The following CPQ variants were observed in gnomAD, a reference collection of about 807,000 sequenced individuals.
CPQ encodes the protein Ser-Met dipeptidase.
CPQ carries 37 observed loss-of-function variants against 45.7 expected under a neutral mutation model. That is an observed-to-expected ratio of 0.81 (90% CI 0.62 to 1.07). CPQ has a LOEUF of 1.07. Ranked by LOEUF, CPQ falls within the 50% of genes least tolerant of loss-of-function variation. The pLI, the probability that CPQ is intolerant of heterozygous loss-of-function variation, is 0.00. For synonymous variants in CPQ, 186 were observed against 205.8 expected (o/e 0.90, Z 0.82); for missense variants, 537 against 572.9 (o/e 0.94, Z 0.64).
intron 2 of CPQ, among the ~76,000 whole-genome samples, chr8:96,815,755 A>C (rs1201426166): frequency 6.6e-6 from 1 of 152,082 alleles, no homozygotes; most frequent in African/African-American, 2.4e-5. Context: ...GTGGGTTTTG[A>C]TTCTGGACCA....
intron 5 of CPQ, among the ~76,000 whole-genome samples, chr8:97,025,980 C>G (rs1014722103): frequency 1.2e-4 from 18 of 152,104 alleles, no homozygotes; most frequent in African/African-American, 3.6e-4. Context: ...TGTATATGCT[C>G]TATATTGGGA....
chr8:97,064,955 C>T (rs1432435244), intron 6 of CPQ, among the ~76,000 whole-genome samples: 2 of 152,160 alleles, frequency 1.3e-5, no homozygotes, highest in African/African-American at 4.8e-5. Context: ...TCCTATAAAA[C>T]AGCAACATTA....
In CPQ at chr8:96,740,838, T is replaced by C. The variant is rs569642453; in HGVS notation, c.-34-44026T>C. 1.5e-3 allele frequency among the ~76,000 whole-genome samples: 229 copies of C among 152,316 alleles called. 1 individual carries two copies. The highest frequency in any genetic ancestry group is 5.4e-3 in the African/African-American group (223 of 41,560). On this transcript the variant is annotated intron_variant, in intron 1 of 7. Coordinates refer to ENST00000220763, the MANE Select transcript of CPQ (RefSeq NM_016134.4). ...CCACTTGATCATGGTGGATAAGCTT[T>C]TTGAGGTGCTGCTGGATTCGGTTTG...
intron 1 of CPQ, among the ~76,000 whole-genome samples, chr8:96,778,219 T>C (rs919463260): frequency 4.6e-5 from 7 of 152,128 alleles, no homozygotes; most frequent in Non-Finnish European, 1.0e-4. Flanking sequence ...TTAAGTGGAA[T>C]GTGATATATT....
chr8:97,069,470 TAAAA>T (rs76928528), intron 7 of CPQ, among the ~76,000 whole-genome samples: 2 of 124,668 alleles, frequency 1.6e-5, no homozygotes, highest in Non-Finnish European at 1.7e-5. Flanking sequence ...CATCTGTCTC[TAAAA>T]AAAAAAAAAA....
At chr8:97,089,091 A>C (rs1162203214) in intron 7 of CPQ, among the ~76,000 whole-genome samples, 1 of 151,952 alleles carries the variant, frequency 6.6e-6, no homozygotes, top group East Asian at 1.9e-4. Context: ...CAAAAATACA[A>C]AATTAGCCAG....
chr8:97,014,438 G>T (rs1459131300), intron 5 of CPQ, among the ~76,000 whole-genome samples: 1 of 151,964 alleles, frequency 6.6e-6, no homozygotes, highest in African/African-American at 2.4e-5. Flanking sequence ...ATCACTTGAG[G>T]TCAGGAGTTC....
At chr8:96,675,862 A>T (rs2130724399) in intron 1 of CPQ, among the ~76,000 whole-genome samples, 1 of 152,104 alleles carries the variant, frequency 6.6e-6, no homozygotes, top group East Asian at 1.9e-4. Context: ...AATATTATTG[A>T]TCCTTTTCTT....
chr8:96,901,606 T>G (rs182376596), intron 4 of CPQ, among the ~76,000 whole-genome samples: 64 of 152,272 alleles, frequency 4.2e-4, no homozygotes, highest in African/African-American at 1.5e-3. Context: ...CAGTAGAAAG[T>G]TTTCAGTGTG....
intron 5 of CPQ, among the ~76,000 whole-genome samples, chr8:97,025,150 T>TG (rs1809776172): frequency 6.6e-6 from 1 of 152,322 alleles, no homozygotes; most frequent in African/African-American, 2.4e-5. Context: ...GACAGTCAAC[T>TG]GACCTTTCAG....
intron 4 of CPQ, among the ~76,000 whole-genome samples, chr8:96,889,721 T>C (rs1159224144): frequency 6.6e-6 from 1 of 152,032 alleles, no homozygotes; most frequent in Middle Eastern, 3.2e-3. Context: ...CTACTCTGAG[T>C]CCAAGGGTCC....
chr8:97,019,847 A>T (rs1464590306), intron 5 of CPQ, among the ~76,000 whole-genome samples: 1 of 152,154 alleles, frequency 6.6e-6, no homozygotes, highest in African/African-American at 2.4e-5. Flanking sequence ...GAAACAATGG[A>T]TTTAAACTAC....
Position 97,029,471 on chromosome 8 carries a change from T to C in CPQ, c.1030T>C (p.Phe344Leu). The change falls in exon 6 of 8, where the codon TTC becomes CTC. Residue 344 changes from phenylalanine (F) to leucine (L), a missense_variant. By Grantham distance (22) the Phe-to-Leu change is conservative. Coordinates refer to ENST00000220763, the MANE Select transcript of CPQ (RefSeq NM_016134.4). ...AGAAGAACAAGGTGGAGTTGGTGCC[T>C]TCCAGTATTATCAGTTACACAAGGT... ...TAEEQGGVGA[F>L]QYYQLHKVNI... 6.2e-7 allele frequency: 1 copy of C among 1,607,360 alleles called. No individual in the cohort carries two copies. Among genetic ancestry groups the C allele is most frequent in the Non-Finnish European group, 8.5e-7 (1 of 1,176,454 alleles).
At chr8:96,786,516 T>G (rs1220358596) in intron 2 of CPQ, among the ~76,000 whole-genome samples, 3 of 152,184 alleles carry the variant, frequency 2.0e-5, no homozygotes, top group Non-Finnish European at 4.4e-5. Flanking sequence ...TGTGAACATT[T>G]GTTTTCATTT....
intron 1 of CPQ, among the ~76,000 whole-genome samples, chr8:96,653,409 A>C (rs1431458302): frequency 1.3e-5 from 2 of 151,986 alleles, no homozygotes; most frequent in Non-Finnish European, 2.9e-5. Flanking sequence ...TTTTTTAATC[A>C]GGTTGCTTGT....
At chr8:96,881,809 A>C (rs994979368) in intron 4 of CPQ, among the ~76,000 whole-genome samples, 3 of 152,236 alleles carry the variant, frequency 2.0e-5, no homozygotes, top group African/African-American at 7.2e-5. Flanking sequence ...AGGCACATCA[A>C]ATAGCTTTGT....
At chr8:96,973,215 G>A (rs534913982) in intron 5 of CPQ, among the ~76,000 whole-genome samples, 42 of 151,980 alleles carry the variant, frequency 2.8e-4, no homozygotes, top group Admixed American at 5.2e-4. Flanking sequence ...GGCAAGAAAT[G>A]CAAAATGCAC....
At chr8:96,760,779 G>A (rs1264713517) in intron 1 of CPQ, among the ~76,000 whole-genome samples, 2 of 152,068 alleles carry the variant, frequency 1.3e-5, no homozygotes, top group African/African-American at 4.8e-5. Context: ...GAAACACATT[G>A]GTAAACATCA....
At chr8:97,052,619 G>A (rs930122579) in intron 6 of CPQ, among the ~76,000 whole-genome samples, 2 of 152,024 alleles carry the variant, frequency 1.3e-5, no homozygotes, top group Admixed American at 1.3e-4. Context: ...AGTTATTTTG[G>A]TGAGTCTAAC....
Sources: gnomAD v4.1 joint callset for allele counts (sites outside exome capture counted in the v4.1 genomes callset) on GRCh38, gnomAD v4.1.1 for gene constraint, MANE v1.5 for transcripts, NCBI Gene and HGNC (gene_info 2026-07-23, HGNC 2026-07-21) for gene names.